Variants in EBF1 observed in about 807,000 individuals in gnomAD.
The protein encoded by EBF1 is EBF transcription factor 1, also known as transcription factor COE1.
EBF1 carries 10 observed loss-of-function variants against 68.4 expected under a neutral mutation model. That is an observed-to-expected ratio of 0.15 (90% CI 0.09 to 0.25). The LOEUF (loss-of-function observed/expected upper bound fraction) is 0.25. EBF1 is among the 10% of genes least tolerant of loss of function. The pLI is 1.00. For missense variants in EBF1, 509 were observed against 794.4 expected (o/e 0.64, Z 4.32); for synonymous variants, 298 against 299.8 (o/e 0.99, Z 0.06).
intron 6 of EBF1, among the ~76,000 whole-genome samples, chr5:159,030,328 A>C (rs960287832): frequency 1.3e-5 from 2 of 152,194 alleles, no homozygotes; most frequent in African/African-American, 4.8e-5. Context: ...GTTTAAAAAT[A>C]ACCCTTGATG....
At chr5:158,985,781 A>G (rs1414422375) in intron 6 of EBF1, 1 of 152,258 alleles carries the variant, frequency 6.6e-6, no homozygotes, top group Non-Finnish European at 1.5e-5. Flanking sequence ...CAGAGGCATC[A>G]GAGTCTAAAG....
chr5:158,797,710 TTTGA>T (rs1779838674), intron 8 of EBF1, among the ~76,000 whole-genome samples: 1 of 152,086 alleles, frequency 6.6e-6, no homozygotes. Context: ...ATAGAATGGG[TTTGA>T]TTTTGATTCA....
At chr5:158,978,835 C>CACAGAGAGAGAG (rs753714441) in intron 6 of EBF1, among the ~76,000 whole-genome samples, 4 of 146,934 alleles carry the variant, frequency 2.7e-5, no homozygotes, top group African/African-American at 1.0e-4. Context: ...CACACACACA[C>CACAGAGAGAGAG]AGAGAGAGAG....
intron 6 of EBF1, among the ~76,000 whole-genome samples, chr5:158,912,332 G>C (rs1806168990): frequency 6.6e-6 from 1 of 152,196 alleles, no homozygotes; most frequent in African/African-American, 2.4e-5. Flanking sequence ...ATAATCCAGA[G>C]CTTTGCCCAA....
At chr5:158,905,278 G>T (rs563228456) in intron 6 of EBF1, among the ~76,000 whole-genome samples, 1 of 152,204 alleles carries the variant, frequency 6.6e-6, no homozygotes, top group South Asian at 2.1e-4. Flanking sequence ...AATCAAATTT[G>T]CTTATGCCAT....
At chr5:158,952,641 C>T (rs187186712) in intron 6 of EBF1, among the ~76,000 whole-genome samples, 5 of 152,262 alleles carry the variant, frequency 3.3e-5, no homozygotes, top group African/African-American at 4.8e-5. Context: ...CAATGCAATG[C>T]TCTCATTTGG....
At chr5:158,812,633 A>C (rs1782899743) in intron 8 of EBF1, among the ~76,000 whole-genome samples, 1 of 152,102 alleles carries the variant, frequency 6.6e-6, no homozygotes, top group Non-Finnish European at 1.5e-5. Flanking sequence ...CCCATGCATC[A>C]GTTTCAACAC....
chr5:158,783,064 G>T (rs1776734369), intron 9 of EBF1, among the ~76,000 whole-genome samples: 1 of 152,092 alleles, frequency 6.6e-6, no homozygotes, highest in African/African-American at 2.4e-5. Context: ...TAAAAAGTAT[G>T]CCACACAAGA....
intron 10 of EBF1, among the ~76,000 whole-genome samples, chr5:158,765,377 G>A (rs887963928): frequency 6.6e-6 from 1 of 152,116 alleles, no homozygotes; most frequent in African/African-American, 2.4e-5. Flanking sequence ...AAAACTAAAA[G>A]GAAATGATGA....
At chr5:158,915,406 A>G (rs1272256953) in intron 6 of EBF1, among the ~76,000 whole-genome samples, 2 of 152,258 alleles carry the variant, frequency 1.3e-5, no homozygotes, top group South Asian at 4.1e-4. Context: ...GTAAGAAGAA[A>G]CAATGCAAAA....
chr5:158,950,968 G>A (rs1283583127), intron 6 of EBF1, among the ~76,000 whole-genome samples: 1 of 152,206 alleles, frequency 6.6e-6, no homozygotes, highest in East Asian at 1.9e-4. Context: ...TTCAAGAGAA[G>A]ATGGAAAGTC....
intron 6 of EBF1, among the ~76,000 whole-genome samples, chr5:159,031,942 C>A (rs548572428): frequency 6.6e-6 from 1 of 152,222 alleles, no homozygotes; most frequent in South Asian, 2.1e-4. Flanking sequence ...CAGCCACACT[C>A]CTCCCGTCTT....
At chr5:158,892,604 C>G (rs1801403216) in intron 6 of EBF1, among the ~76,000 whole-genome samples, 1 of 152,128 alleles carries the variant, frequency 6.6e-6, no homozygotes, top group African/African-American at 2.4e-5. Context: ...GTTTCATGCA[C>G]AAAATTATCT....
At chr5:159,041,991 A>G (rs924021118) in intron 6 of EBF1, among the ~76,000 whole-genome samples, 1 of 152,212 alleles carries the variant, frequency 6.6e-6, no homozygotes, top group Non-Finnish European at 1.5e-5. Flanking sequence ...AATTAGAGAG[A>G]GTGTCACAGT....
intron 6 of EBF1, among the ~76,000 whole-genome samples, chr5:158,872,029 A>G (rs1562178423): frequency 6.6e-6 from 1 of 152,164 alleles, no homozygotes; most frequent in Non-Finnish European, 1.5e-5. Context: ...AAGTCAGTGG[A>G]AAGAATTTTA....
intron 6 of EBF1, among the ~76,000 whole-genome samples, chr5:158,937,322 G>A (rs954695382): frequency 7.2e-5 from 11 of 152,086 alleles, no homozygotes; most frequent in African/African-American, 1.2e-4. Context: ...AGGAAGCCTC[G>A]GATTCATTCT....
intron 8 of EBF1, among the ~76,000 whole-genome samples, chr5:158,797,158 C>T (rs1779739610): frequency 6.6e-6 from 1 of 152,110 alleles, no homozygotes; most frequent in African/African-American, 2.4e-5. Context: ...AGGCATAAAA[C>T]CCTAGAATTG....
At chr5:158,810,951 G>T (rs1053825118) in intron 8 of EBF1, among the ~76,000 whole-genome samples, 1 of 152,158 alleles carries the variant, frequency 6.6e-6, no homozygotes, top group African/African-American at 2.4e-5. Context: ...CGGCAGGCCG[G>T]CAGAAAAGCC....
intron 6 of EBF1, among the ~76,000 whole-genome samples, chr5:159,062,730 C>T (rs191513181): frequency 3.9e-5 from 6 of 152,244 alleles, no homozygotes; most frequent in Admixed American, 2.6e-4. Context: ...TGGTGGTTTG[C>T]AAAGGATGCC....
Sources: allele counts gnomAD v4.1 joint callset (sites outside exome capture counted in the v4.1 genomes callset), GRCh38; gene constraint gnomAD v4.1.1; transcripts MANE v1.5; gene names NCBI Gene and HGNC (gene_info 2026-07-23, HGNC 2026-07-21).